AKAP8L: variants seen among roughly 807,000 people sequenced by gnomAD.
The protein encoded by AKAP8L is A-kinase anchor protein 8-like.
Under a neutral mutation model 77.5 loss-of-function variants are expected in AKAP8L, and 34 were observed. The observed-to-expected ratio is 0.44, with a 90% CI of 0.33 to 0.58. The LOEUF is 0.58. Ranked by LOEUF, AKAP8L falls within the 20% of genes least tolerant of loss-of-function variation. AKAP8L has a pLI of 0.02. For missense variants in AKAP8L, 806 were observed against 887.6 expected (o/e 0.91, Z 1.17); for synonymous variants, 342 against 340.7 (o/e 1.00, Z -0.04).
chr19:15,397,207 C>T lies in AKAP8L; in HGVS notation c.1479G>A (p.Met493Ile). The stretch of plus-strand genomic sequence containing the variant: ...GATGCTTCTGGATGATCCCAAACTG[C>T]ATGGGAATGAAGAGGTCGCAGGCTG... ...HCAACDLFIP[M>I]QFGIIQKHLK... The change falls in exon 12 of 14, where the codon ATG becomes ATA. Residue 493 changes from methionine to isoleucine, a missense_variant. Physicochemically the swap from Met to Ile is conservative, Grantham distance 10. Transcript: ENST00000397410. This position sits in a 1 kb window ranked among gnomAD's most constrained non-coding sequence, Gnocchi z 4.7. The T allele has an allele frequency of 1.9e-6, 3 of 1,614,042 alleles. No homozygotes were observed. The highest frequency in any genetic ancestry group is 2.5e-6 in the Non-Finnish European group (3 of 1,179,900).
rs142484233 is a variant in AKAP8L at position 15,386,269 on chromosome 19, A to G, written c.1537-5657T>C. ...AACTAATCTACAGTTTCATTTTGGTATCATCTTTATCAGAATTTTGGAATT... is the reference window on the plus strand; with the variant it reads ...AACTAATCTACAGTTTCATTTTGGTGTCATCTTTATCAGAATTTTGGAATT... On this transcript the variant is annotated intron_variant, in intron 12 of 13. Transcript: ENST00000397410. Among the ~76,000 whole-genome samples the G allele has an allele frequency of 1.2e-3, 186 of 152,264 alleles. 1 individual carries two copies. The highest frequency in any genetic ancestry group is 4.3e-3 in the African/African-American group (179 of 41,548).
rs549534785 is a variant in AKAP8L at position 15,415,754 on chromosome 19, C to T, written c.13+3157G>A. 1.3e-4 allele frequency among the ~76,000 whole-genome samples: 20 copies of T among 152,046 alleles called. 1 individual carries two copies. The highest frequency in any genetic ancestry group is 1.2e-3 in the South Asian group (6 of 4,812). Reference sequence around the variant, plus strand: ...ACAAAAAATTAGCCGGGTGTGGTGGCGGGCACCTGTAGTCCCAGCTACTTG... The same window carrying T: ...ACAAAAAATTAGCCGGGTGTGGTGGTGGGCACCTGTAGTCCCAGCTACTTG... On this transcript the variant is annotated intron_variant, in intron 1 of 13. Coordinates refer to ENST00000397410, the MANE Select transcript of AKAP8L (RefSeq NM_014371.4).
chr19:15,385,256 C>A (rs1294667376), intron 12 of AKAP8L, among the ~76,000 whole-genome samples: 1 of 151,564 alleles, frequency 6.6e-6, no homozygotes, highest in East Asian at 1.9e-4. Context: ...GGACTACAGG[C>A]GTGAGCCACC....
intron 1 of AKAP8L, among the ~76,000 whole-genome samples, chr19:15,414,674 G>C (rs1050472517): frequency 2.6e-5 from 4 of 152,048 alleles, no homozygotes; most frequent in African/African-American, 9.7e-5. Flanking sequence ...ATTTTTCACA[G>C]AGATGGGGTT....
chr19:15,411,821 G>C (rs1968110018), intron 1 of AKAP8L, among the ~76,000 whole-genome samples: 1 of 152,048 alleles, frequency 6.6e-6, no homozygotes, highest in African/African-American at 2.4e-5. Context: ...GGGAGGCCAA[G>C]GGGGGGTGGA....
chr19:15,410,904 C>A (rs1014104365), intron 1 of AKAP8L, among the ~76,000 whole-genome samples: 1 of 152,236 alleles, frequency 6.6e-6, no homozygotes, highest in Non-Finnish European at 1.5e-5. Context: ...CCTCGACCTT[C>A]CAGGCTCAAA....
intron 1 of AKAP8L, among the ~76,000 whole-genome samples, 172 bp downstream of exon 1, chr19:15,418,739 C>A (rs938963223): frequency 6.6e-6 from 1 of 152,176 alleles, no homozygotes; most frequent in Non-Finnish European, 1.5e-5. Context: ...AGAGCTGAGG[C>A]AACGAGGCGT....
intron 12 of AKAP8L, among the ~76,000 whole-genome samples, chr19:15,387,195 T>TGTAC (rs1967557268): frequency 1.3e-5 from 2 of 152,362 alleles, no homozygotes; most frequent in South Asian, 4.1e-4. Context: ...TACAGCCTAC[T>TGTAC]GTACCTCCTC....
At chr19:15,411,443 A>C (rs1968102917) in intron 1 of AKAP8L, among the ~76,000 whole-genome samples, 1 of 150,560 alleles carries the variant, frequency 6.6e-6, no homozygotes, top group Admixed American at 6.6e-5. Flanking sequence ...CCTGGGCAAC[A>C]GGGTGAAACC....
chr19:15,380,674 G>T, intron 12 of AKAP8L, 62 bp from the exon 13 acceptor site: 1 of 1,538,842 alleles, frequency 6.5e-7, no homozygotes, highest in South Asian at 1.1e-5. Flanking sequence ...TTGCTGCCCC[G>T]ACCCTGCCAG....
intron 12 of AKAP8L, chr19:15,383,735 T>C (rs1466919590): frequency 6.6e-6 from 1 of 152,190 alleles, no homozygotes; most frequent in African/African-American, 2.4e-5. Flanking sequence ...CTCTCAGCTA[T>C]TGTTAGACTG....
intron 12 of AKAP8L, among the ~76,000 whole-genome samples, chr19:15,384,421 C>T (rs1044922993): frequency 4.6e-5 from 7 of 151,024 alleles, no homozygotes; most frequent in Admixed American, 3.3e-4. Context: ...TGCCTCAGCC[C>T]CCTGAGTAGC....
chr19:15,418,982 C>T lies in AKAP8L; in HGVS notation c.-59G>A. On this transcript the variant is annotated 5_prime_UTR_variant, in exon 1 of 14. Coordinates refer to ENST00000397410, the MANE Select transcript of AKAP8L (RefSeq NM_014371.4). ...CTTCTGCTGCTCTGAACATCCGACG[C>T]TGCGATAGCTGCTGCTAACCACAGG... 1 of 1,600,784 alleles carries T rather than the reference C, an allele frequency of 6.2e-7. No homozygotes were observed. Among genetic ancestry groups the T allele is most frequent in the Non-Finnish European group, 8.5e-7 (1 of 1,178,258 alleles).
At chr19:15,418,421 C>A (rs1474000962) in intron 1 of AKAP8L, among the ~76,000 whole-genome samples, 1 of 151,522 alleles carries the variant, frequency 6.6e-6, no homozygotes, top group Non-Finnish European at 1.5e-5. Flanking sequence ...GCGCCTTTCC[C>A]AGTTCTGAAA....
At chr19:15,414,047 T>C (rs919720894) in intron 1 of AKAP8L, among the ~76,000 whole-genome samples, 3 of 151,922 alleles carry the variant, frequency 2.0e-5, no homozygotes, top group Non-Finnish European at 4.4e-5. Flanking sequence ...TTGGCTCCTA[T>C]TATGAATAAT....
chr19:15,392,855 C>CA (rs1419419368), intron 12 of AKAP8L, among the ~76,000 whole-genome samples: 1 of 138,046 alleles, frequency 7.2e-6, no homozygotes, highest in African/African-American at 2.7e-5. Flanking sequence ...AAGATGGCAC[C>CA]ACTGCATTCC....
rs1413073630 is a variant in AKAP8L, at chr19:15,380,612, G to C, written c.1537C>G (p.Leu513Val). 1 of 1,613,176 alleles carries C rather than the reference G, an allele frequency of 6.2e-7. No homozygotes were observed. The highest frequency in any genetic ancestry group is 8.5e-7 in the Non-Finnish European group (1 of 1,179,820). Residue 513 changes from leucine (L) to valine (V), a missense_variant and splice_region_variant, in exon 13 of 14, where the codon CTC becomes GTC. Leu to Val is a conservative substitution (Grantham distance 32). Around this residue, in one of 2 missense-constraint regions of AKAP8L, gnomAD observed 226 missense variants for 193.5 expected, o/e 1.17. Transcript: ENST00000397410. ...KTMDHNRNRR[L>V]MMEQSKKSSL... The stretch of plus-strand genomic sequence containing the variant: ...GACTTCTTGGACTGCTCCATCATGA[G>C]CTGCGGGCAGGGCAGAAGGAGCTGG...
Position 15,399,121 on chromosome 19 carries a change from CA to C in AKAP8L, c.1157+180del. ...CGGTCGCCAGGCGGCCGCAGAGGGGCAGGGGATGAGTCAGGCCTTGGGAGCT... is the reference window on the plus strand; with the variant it reads ...CGGTCGCCAGGCGGCCGCAGAGGGGCGGGGATGAGTCAGGCCTTGGGAGCT... On this transcript the variant is annotated intron_variant, in intron 9 of 13. Coordinates refer to ENST00000397410, the MANE Select transcript of AKAP8L (RefSeq NM_014371.4). The surrounding 1 kb of genome is among the most constrained non-coding windows in gnomAD (Gnocchi z 6.1). 1 of 620,850 alleles carries C rather than the reference CA, an allele frequency of 1.6e-6. No homozygotes were observed. The highest frequency in any genetic ancestry group is 2.8e-5 in the East Asian group (1 of 35,454). 38.5% of individuals were successfully genotyped at this position (620,850 alleles called of 1,614,324 possible). A position where few individuals can be genotyped will look rare whatever the true frequency, so the allele number is the denominator to read the frequency against.
chr19:15,418,396 TC>T (rs963533393), intron 1 of AKAP8L, among the ~76,000 whole-genome samples: 4 of 141,972 alleles, frequency 2.8e-5, no homozygotes, highest in African/African-American at 7.8e-5. Context: ...TATTTACTTA[TC>T]CCCCTAGGGC....
Sources: allele counts gnomAD v4.1 joint callset (sites outside exome capture counted in the v4.1 genomes callset), GRCh38; gene constraint gnomAD v4.1.1; regional missense constraint gnomAD v4.1.1; non-coding constraint Gnocchi (gnomAD v3.1); transcripts MANE v1.5; gene names NCBI Gene and HGNC (gene_info 2026-07-23, HGNC 2026-07-21).